PHC2: variants seen among roughly 807,000 people sequenced by gnomAD.
PHC2 encodes the protein polyhomeotic homolog 2, also known as polyhomeotic-like protein 2.
In PHC2, 29 loss-of-function variants were observed where a neutral mutation model predicts 87.4. The observed-to-expected ratio is 0.33, with a 90% CI of 0.25 to 0.45. PHC2 has a LOEUF of 0.45. Among genes scored for constraint, PHC2 ranks in the 20% least tolerant of loss-of-function variants. PHC2 has a pLI of 1.00. For missense variants in PHC2, 857 were observed against 1,136.7 expected, an observed-to-expected ratio of 0.75 and a Z score of 3.54; for synonymous variants, 438 against 461.7, an observed-to-expected ratio of 0.95 and a Z score of 0.66.
intron 1 of PHC2, among the ~76,000 whole-genome samples, chr1:33,420,326 T>A (rs572179064): frequency 6.6e-6 from 1 of 152,146 alleles, no homozygotes; most frequent in Non-Finnish European, 1.5e-5. Context: ...GATCACAAAC[T>A]TTGGGGGAGG....
Position 33,354,820 on chromosome 1 carries a change from T to C in PHC2, c.1392+18A>G, listed in dbSNP as rs1472768780. 1.9e-6 allele frequency: 3 copies of C among 1,607,758 alleles called. No individual in the cohort carries two copies. The Admixed American group carries it at 5.0e-5, about 27-fold the overall frequency. ...GCCACCCCGTGTGCTCCCTGGACCT[T>C]GGGGCTGGCTTACTCACCACTGGTG... is the stretch of plus-strand genomic sequence containing the variant. On this transcript the variant is annotated intron_variant, in intron 8 of 14. Transcript: ENST00000683057.
At chr1:33,422,605 T>C (rs114356266) in intron 1 of PHC2, among the ~76,000 whole-genome samples, 4,420 of 152,304 alleles carry the variant, frequency 0.029, 90 homozygotes, top group Admixed American at 0.046. Flanking sequence ...TCCCTACTTA[T>C]ATTATTCCAA....
intron 1 of PHC2, among the ~76,000 whole-genome samples, chr1:33,383,374 G>T (rs997830466): frequency 6.6e-6 from 1 of 152,208 alleles, no homozygotes; most frequent in African/African-American, 2.4e-5. Context: ...AAAAATAGAA[G>T]TGAAGGATGA....
In PHC2 at chr1:33,349,251, G is replaced by A; in HGVS notation, c.1558+5150C>T. ...AAGTACGGCAGATGCCAGCAGTCTC[G>A]TCCCCGAACGCACCGTCCGTCCCAG... On this transcript the variant is annotated intron_variant, in intron 9 of 14. Coordinates refer to ENST00000683057, the MANE Select transcript of PHC2 (RefSeq NM_001385109.1). The surrounding 1 kb of genome is among the most constrained non-coding windows in gnomAD (Gnocchi z 4.2). 2 of 985,430 alleles carry A rather than the reference G, an allele frequency of 2.0e-6. No individual in the cohort carries two copies. Among genetic ancestry groups the A allele is most frequent in the Middle Eastern group, 5.2e-4 (1 of 1,912 alleles). The allele number at this position is 985,430 out of a possible 1,614,324, so 61.0% of individuals were successfully genotyped here.
chr1:33,330,887 G>A (rs1466115100), intron 12 of PHC2, among the ~76,000 whole-genome samples: 1 of 152,200 alleles, frequency 6.6e-6, no homozygotes, highest in African/African-American at 2.4e-5. Context: ...GAGTTATTTT[G>A]AAGATGAGAT....
intron 1 of PHC2, among the ~76,000 whole-genome samples, chr1:33,415,595 C>T (rs959203620): frequency 6.6e-6 from 1 of 152,106 alleles, no homozygotes; most frequent in Non-Finnish European, 1.5e-5. Flanking sequence ...ATAAAGTTAA[C>T]AATACCTAGT....
chr1:33,394,058 A>G (rs1473434842), intron 1 of PHC2, among the ~76,000 whole-genome samples: 2 of 152,154 alleles, frequency 1.3e-5, no homozygotes, highest in African/African-American at 4.8e-5. Flanking sequence ...GGATAACTCT[A>G]TTTCCACTCC....
rs1647602814 is a variant in PHC2, at chr1:33,368,260, G to GA, written c.663+275dup. On this transcript the variant is annotated intron_variant, in intron 6 of 14. Transcript: ENST00000683057. The surrounding 1 kb of genome is among the most constrained non-coding windows in gnomAD (Gnocchi z 6.6). ...TATGCTGGGGCAGGTGTAAAGTATG[G>GA]AGGGTAGCACAGCCCACCCCTCCCT... Among the ~76,000 whole-genome samples, 1 of 152,254 alleles carries GA rather than the reference G, an allele frequency of 6.6e-6. No individual in the cohort carries two copies. The highest frequency in any genetic ancestry group is 6.5e-5 in the Admixed American group (1 of 15,286).
intron 1 of PHC2, among the ~76,000 whole-genome samples, chr1:33,423,037 A>G (rs188876354): frequency 6.6e-6 from 1 of 152,270 alleles, no homozygotes; most frequent in Non-Finnish European, 1.5e-5. Context: ...AGACTAGAGC[A>G]GAGAGAGTAC....
At chr1:33,386,126 A>C (rs1648734334) in intron 1 of PHC2, among the ~76,000 whole-genome samples, 1 of 152,014 alleles carries the variant, frequency 6.6e-6, no homozygotes, top group Non-Finnish European at 1.5e-5. Flanking sequence ...TTATAATCTC[A>C]GTCAGCTCTT....
intron 1 of PHC2, 105 bp from the exon 2 acceptor site, chr1:33,375,698 C>A: frequency 3.1e-6 from 2 of 640,898 alleles, no homozygotes; most frequent in Non-Finnish European, 5.0e-6. Context: ...TGGATTCAAC[C>A]AACCACAGGA....
intron 7 of PHC2, among the ~76,000 whole-genome samples, chr1:33,361,780 A>C (rs1647199960): frequency 6.6e-6 from 1 of 152,242 alleles, no homozygotes; most frequent in South Asian, 2.1e-4. Flanking sequence ...AGCCAAAACA[A>C]GAGGAAGTCT....
chr1:33,399,062 G>C (rs1056980235), intron 1 of PHC2, among the ~76,000 whole-genome samples: 2 of 152,168 alleles, frequency 1.3e-5, no homozygotes, highest in Non-Finnish European at 1.5e-5. Flanking sequence ...TTCTACTACA[G>C]ATGTACAAAG....
chr1:33,385,258 C>T (rs942857530), intron 1 of PHC2, among the ~76,000 whole-genome samples: 2 of 152,144 alleles, frequency 1.3e-5, no homozygotes, highest in African/African-American at 2.4e-5. Context: ...ATCATAATAC[C>T]TTACCCCGAC....
At position 33,363,798 on chromosome 1, in the gene PHC2, C is replaced by T. The variant is rs934082584; in HGVS notation, c.976+3318G>A. On this transcript the variant is annotated intron_variant, in intron 7 of 14. Coordinates refer to ENST00000683057, the MANE Select transcript of PHC2 (RefSeq NM_001385109.1). ...CCACTAGAATGAGGACTCCAAGAAC[C>T]AAGTCTCCTATCTGGGGCTGTGGCC... is the stretch of plus-strand genomic sequence containing the variant. The T allele has an allele frequency of 2.1e-5, 21 of 985,242 alleles. No individual in the cohort carries two copies. The African/African-American group carries it at 3.5e-4, about 16-fold the overall frequency. The allele number at this position is 985,242 out of a possible 1,614,324, so 61.0% of individuals were successfully genotyped here. A position where few individuals can be genotyped will look rare whatever the true frequency, so the allele number is the denominator to read the frequency against.
intron 1 of PHC2, among the ~76,000 whole-genome samples, chr1:33,417,510 A>G (rs539981167): frequency 8.0e-6 from 1 of 125,642 alleles, no homozygotes; most frequent in Non-Finnish European, 1.9e-5. Flanking sequence ...AAATAGACTG[A>G]GGAAGGAATA....
intron 1 of PHC2, among the ~76,000 whole-genome samples, chr1:33,423,268 A>G (rs983485163): frequency 6.6e-6 from 1 of 152,228 alleles, no homozygotes; most frequent in Non-Finnish European, 1.5e-5. Context: ...CCTTATTTGT[A>G]ACTGAAAACA....
At chr1:33,380,716 C>T (rs949891022) in intron 1 of PHC2, among the ~76,000 whole-genome samples, 3 of 152,090 alleles carry the variant, frequency 2.0e-5, no homozygotes, top group Non-Finnish European at 4.4e-5. Context: ...ATATGTTATT[C>T]CATGTTTGGG....
At position 33,341,766 on chromosome 1, in the gene PHC2, T is replaced by TG. The variant is rs1377207895; in HGVS notation, c.1559-7475dup. Reference sequence around the variant, plus strand: ...TGCATTTTAGAATAAAACAAACGAATGCCATTTATTTGGAAGACAGTATCT... The same window carrying TG: ...TGCATTTTAGAATAAAACAAACGAATGGCCATTTATTTGGAAGACAGTATCT... On this transcript the variant is annotated intron_variant, in intron 9 of 14. Coordinates refer to ENST00000683057, the MANE Select transcript of PHC2 (RefSeq NM_001385109.1). Among the ~76,000 whole-genome samples, 6 of 152,364 alleles carry TG rather than the reference T, an allele frequency of 3.9e-5. 1 individual carries two copies. The East Asian group carries it at 1.2e-3, about 29-fold the overall frequency.
Sources: gnomAD v4.1 joint callset for allele counts (sites outside exome capture counted in the v4.1 genomes callset) on GRCh38, gnomAD v4.1.1 for gene constraint, Gnocchi (gnomAD v3.1) non-coding constraint, MANE v1.5 for transcripts, NCBI Gene and HGNC (gene_info 2026-07-23, HGNC 2026-07-21) for gene names.